RAD21: variants seen among roughly 807,000 people sequenced by gnomAD.
RAD21 encodes double-strand-break repair protein rad21 homolog.
In RAD21, 18 loss-of-function variants were observed where a neutral mutation model predicts 71.5. The observed-to-expected ratio is 0.25, with a 90% CI of 0.17 to 0.37. The LOEUF (loss-of-function observed/expected upper bound fraction) is 0.37, where lower values mean the gene tolerates loss of function less well. Among genes scored for constraint, RAD21 ranks in the 10% least tolerant of loss-of-function variants. The pLI is 1.00. For missense variants in RAD21, 493 were observed against 769.1 expected, an observed-to-expected ratio of 0.64 and a Z score of 4.25; for synonymous variants, 248 against 254.0, an observed-to-expected ratio of 0.98 and a Z score of 0.22.
chr8:116,869,350 C>T (rs936629660), intron 1 of RAD21, among the ~76,000 whole-genome samples: 1 of 152,134 alleles, frequency 6.6e-6, no homozygotes. Context: ...TTTGGCAGGC[C>T]AAGACAGGCA....
At chr8:116,853,103 G>A (rs1472536909) in intron 9 of RAD21, among the ~76,000 whole-genome samples, 1 of 151,640 alleles carries the variant, frequency 6.6e-6, no homozygotes, top group Non-Finnish European at 1.5e-5. Context: ...TTTTGAGATG[G>A]AGTCTCACTC....
At chr8:116,848,857 T>C (rs1236975326) in intron 13 of RAD21, 89 bp downstream of exon 13, 1 of 992,018 alleles carries the variant, frequency 1.0e-6, no homozygotes, top group East Asian at 2.8e-5. Flanking sequence ...GTATGCTTTC[T>C]GTTTCCAGCA....
At chr8:116,854,161 C>T (rs1812415471) in intron 9 of RAD21, 84 bp downstream of exon 9, 2 of 1,158,036 alleles carry the variant, frequency 1.7e-6, no homozygotes, top group Non-Finnish European at 2.4e-6. Context: ...AATACTTGAT[C>T]AAAAATGATT....
chr8:116,853,239 C>A (rs1008720382), intron 9 of RAD21, among the ~76,000 whole-genome samples: 2 of 151,998 alleles, frequency 1.3e-5, no homozygotes, highest in Non-Finnish European at 2.9e-5. Flanking sequence ...CCACCACACA[C>A]GGCTAATTTT....
rs1812270094 is a variant in RAD21, at chr8:116,847,426, T to C, written c.*74A>G. The C allele has an allele frequency of 7.7e-7, 1 of 1,292,194 alleles. No homozygotes were observed. Among genetic ancestry groups the C allele is most frequent in the Non-Finnish European group, 1.1e-6 (1 of 944,972 alleles). 80.0% of individuals were successfully genotyped at this position (1,292,194 alleles called of 1,614,324 possible). A position where few individuals can be genotyped will look rare whatever the true frequency, so the allele number is the denominator to read the frequency against. ...AAAAATCTAAGTTTTCTCAAAGGGT[T>C]CTGTGTCCCCTACACATGGGGGCAA... On this transcript the variant is annotated 3_prime_UTR_variant, in exon 14 of 14. Transcript: ENST00000297338.
chr8:116,853,422 A>C (rs1185898580), intron 9 of RAD21, among the ~76,000 whole-genome samples: 1 of 152,188 alleles, frequency 6.6e-6, no homozygotes, highest in Non-Finnish European at 1.5e-5. Flanking sequence ...TTCATTTTGA[A>C]CCATTCCTCT....
intron 5 of RAD21, 64 bp from the exon 6 acceptor site, chr8:116,857,537 ACTG>A (rs1187185587): frequency 3.9e-6 from 5 of 1,286,152 alleles, no homozygotes; most frequent in Non-Finnish European, 5.5e-6. Context: ...ATAAAAGAAA[ACTG>A]CTAATGATTT....
intron 5 of RAD21, 65 bp downstream of exon 5, chr8:116,858,287 G>C: frequency 8.1e-7 from 1 of 1,240,446 alleles, no homozygotes; most frequent in African/African-American, 1.5e-5. Context: ...GTTTTCTTTT[G>C]AAATTGCTAT....
chr8:116,850,345 C>G (rs1451386790), intron 12 of RAD21, among the ~76,000 whole-genome samples: 1 of 152,182 alleles, frequency 6.6e-6, no homozygotes, highest in African/African-American at 2.4e-5. Context: ...AAAGCAGCTA[C>G]ACGCAATTTA....
chr8:116,860,201 A>G (rs138140467), intron 4 of RAD21, among the ~76,000 whole-genome samples: 94 of 152,334 alleles, frequency 6.2e-4, no homozygotes, highest in African/African-American at 2.2e-3. Flanking sequence ...CTTATGGATG[A>G]GCAAAGAAAG....
rs189471125 is a variant in RAD21 at position 116,861,213 on chromosome 8, T to C, written c.374+628A>G. On this transcript the variant is annotated intron_variant, in intron 4 of 13. Transcript: ENST00000297338. ...GAGAAATCTGTAATGGTGTAGAGTT[T>C]CTTGGTTGTCAGTTATGCTAATAAG... 1.0e-3 allele frequency among the ~76,000 whole-genome samples: 152 copies of C among 152,092 alleles called. 1 individual carries two copies. The highest frequency in any genetic ancestry group is 3.6e-3 in the African/African-American group (149 of 41,486).
rs534973308 is a variant in RAD21 at position 116,867,816 on chromosome 8, G to A, written c.-32-1055C>T. 1.8e-4 allele frequency among the ~76,000 whole-genome samples: 27 copies of A among 152,232 alleles called. No homozygotes were observed. In the South Asian group the frequency reaches 5.4e-3, roughly 30 times the overall value. On this transcript the variant is annotated intron_variant, in intron 1 of 13. Coordinates refer to ENST00000297338, the MANE Select transcript of RAD21 (RefSeq NM_006265.3). ...TTTTTAAACCTAGTTTCTCCCAATG[G>A]TGACATCTTAAATAACTACAATATA...
chr8:116,859,103 A>G (rs1374197858), intron 4 of RAD21, among the ~76,000 whole-genome samples: 1 of 147,068 alleles, frequency 6.8e-6, no homozygotes, highest in Non-Finnish European at 1.5e-5. Flanking sequence ...ACTGGGAGAA[A>G]AAAAAAAAAA....
rs749183142 is a variant in RAD21, at chr8:116,854,366, A to G, written c.1040T>C (p.Ile347Thr). 1 of 1,613,882 alleles carries G rather than the reference A, an allele frequency of 6.2e-7. No individual in the cohort carries two copies. The highest frequency in any genetic ancestry group is 8.5e-7 in the Non-Finnish European group (1 of 1,179,858). ...CGGTGCCAGATCCAAAGTAGTAACA[A>G]TATCTGAATAATCACTAAGTTGGGC... is the stretch of plus-strand genomic sequence containing the variant. Reference protein sequence around the residue: ...IRAQLSDYSDIVTTLDLAPPT... With the variant: ...IRAQLSDYSDTVTTLDLAPPT... Residue 347 changes from isoleucine to threonine, a missense_variant, in exon 9 of 14, where the codon ATT (isoleucine) becomes ACT (threonine). This residue lies in a region of RAD21 where 42 missense variants were observed against 117.2 expected (regional missense o/e 0.36). Coordinates refer to ENST00000297338, the MANE Select transcript of RAD21 (RefSeq NM_006265.3).
chr8:116,855,971 C>A (rs1812454338), intron 8 of RAD21, among the ~76,000 whole-genome samples, 195 bp downstream of exon 8: 1 of 150,940 alleles, frequency 6.6e-6, no homozygotes, highest in Non-Finnish European at 1.5e-5. Flanking sequence ...GACTCTATGA[C>A]AGATGACTGT....
chr8:116,846,285 CAA>C lies in RAD21; in HGVS notation c.*1213_*1214del. The C allele has an allele frequency of 4.3e-6, 1 of 230,770 alleles. No individual in the cohort carries two copies. The highest frequency in any genetic ancestry group is 6.2e-5 in the East Asian group (1 of 16,038). The allele number at this position is 230,770 out of a possible 1,614,324, so 14.3% of individuals were successfully genotyped here. Reference sequence around the variant, plus strand: ...TGGGTATACACTGAAGTCTGAGTTTCAAAAGTGATTTTTTTTTCCCACAAAAG... The same window carrying C: ...TGGGTATACACTGAAGTCTGAGTTTCAAGTGATTTTTTTTTCCCACAAAAG... On this transcript the variant is annotated 3_prime_UTR_variant, in exon 14 of 14. Transcript: ENST00000297338.
intron 8 of RAD21, 71 bp downstream of exon 8, chr8:116,856,095 G>A (rs1280037338): frequency 1.2e-4 from 178 of 1,518,894 alleles, no homozygotes; most frequent in Non-Finnish European, 1.6e-4. Context: ...TAGCAGATCA[G>A]TAGACAGGCA....
chr8:116,853,085 T>TA (rs1812388942), intron 9 of RAD21, among the ~76,000 whole-genome samples: 1 of 151,996 alleles, frequency 6.6e-6, no homozygotes, highest in African/African-American at 2.4e-5. Context: ...TCATTTAAAC[T>TA]ATTTTTTTTT....
Position 116,846,537 on chromosome 8 carries a change from AG to A in RAD21, c.*962del, listed in dbSNP as rs1812255480. The A allele has an allele frequency of 4.4e-6, 1 of 228,070 alleles. No individual in the cohort carries two copies. The highest frequency in any genetic ancestry group is 8.7e-6 in the Non-Finnish European group (1 of 114,712). 14.1% of individuals were successfully genotyped at this position (228,070 alleles called of 1,614,324 possible). On this transcript the variant is annotated 3_prime_UTR_variant, in exon 14 of 14. Transcript: ENST00000297338. ...CAGGAGTGTGCAGCACTGGAAAAGG[AG>A]ATCAGTACTAAAACTTACAATAAAT...
Sources: allele counts gnomAD v4.1 joint callset (sites outside exome capture counted in the v4.1 genomes callset), GRCh38; gene constraint gnomAD v4.1.1; regional missense constraint gnomAD v4.1.1; transcripts MANE v1.5; gene names NCBI Gene and HGNC (gene_info 2026-07-23, HGNC 2026-07-21).